Variants in KLF13 observed in about 807,000 individuals in gnomAD.
KLF13 encodes the protein Krueppel-like factor 13.
Under a neutral mutation model 16.7 loss-of-function variants are expected in KLF13, and 8 were observed. That is an observed-to-expected ratio of 0.48 (90% confidence interval 0.28 to 0.87). The LOEUF is 0.87. Ranked by LOEUF, KLF13 falls within the 40% of genes least tolerant of loss-of-function variation. The pLI, the probability that KLF13 is intolerant of heterozygous loss-of-function variation, is 0.10. For synonymous variants in KLF13, 245 were observed against 208.4 expected, an observed-to-expected ratio of 1.18 and a Z score of -1.51; for missense variants, 447 against 452.2, an observed-to-expected ratio of 0.99 and a Z score of 0.10.
chr15:31,425,042 T>C (rs1042934440), intron 1 of KLF13, among the ~76,000 whole-genome samples: 9 of 151,862 alleles, frequency 5.9e-5, no homozygotes, highest in Admixed American at 5.9e-4. Context: ...TACAAGAGCA[T>C]TGAAAAAAAT....
At position 31,376,549 on chromosome 15, in the gene KLF13, C is replaced by T. The variant is rs985425606; in HGVS notation, c.*4250C>T. On this transcript the variant is annotated 3_prime_UTR_variant, in exon 2 of 2. Transcript: ENST00000307145. ...TGATGGTTTTTGAAATCAGGATTAC[C>T]CCAGGAAGAACCAGGTCCTATTACT... is the stretch of plus-strand genomic sequence containing the variant. 1 of 152,562 alleles carries T rather than the reference C, an allele frequency of 6.6e-6. No individual in the cohort carries two copies. The highest frequency in any genetic ancestry group is 1.5e-5 in the Non-Finnish European group (1 of 68,030). 9.5% of individuals were successfully genotyped at this position (152,562 alleles called of 1,614,324 possible). A position where few individuals can be genotyped will look rare whatever the true frequency, so the allele number is the denominator to read the frequency against.
chr15:31,407,779 T>G (rs2040146289), downstream of KLF13, among the ~76,000 whole-genome samples: 1 of 152,146 alleles, frequency 6.6e-6, no homozygotes, highest in Admixed American at 6.5e-5. Context: ...ATTAATAAGT[T>G]GAAGGAGAAA....
chr15:31,379,801 A>G (rs2140974515), downstream of KLF13, among the ~76,000 whole-genome samples: 1 of 152,326 alleles, frequency 6.6e-6, no homozygotes, highest in African/African-American at 2.4e-5. Flanking sequence ...CTGAGAGGCC[A>G]GCCTCAGGAC....
At chr15:31,360,283 G>A (rs1220843348) in intron 1 of KLF13, among the ~76,000 whole-genome samples, 2 of 152,228 alleles carry the variant, frequency 1.3e-5, no homozygotes, top group African/African-American at 4.8e-5. Context: ...GGGCAGGCCT[G>A]TGCCGGGAAG....
chr15:31,383,658 T>C (rs2039755856), intron 1 of KLF13, among the ~76,000 whole-genome samples: 10 of 152,224 alleles, frequency 6.6e-5, no homozygotes, highest in Admixed American at 6.5e-4. Context: ...CCCAGCACTT[T>C]GGGAGGCCAA....
At chr15:31,362,911 T>C (rs1384664729) in intron 1 of KLF13, among the ~76,000 whole-genome samples, 1 of 152,242 alleles carries the variant, frequency 6.6e-6, no homozygotes, top group East Asian at 1.9e-4. Flanking sequence ...TGTTCTGTTA[T>C]ATGTGCGTTC....
At position 31,366,978 on chromosome 15, in the gene KLF13, C is replaced by A. The variant is rs573050867; in HGVS notation, c.578-5032C>A. On this transcript the variant is annotated intron_variant, in intron 1 of 1. Coordinates refer to ENST00000307145, the MANE Select transcript of KLF13 (RefSeq NM_015995.4). The stretch of plus-strand genomic sequence containing the variant: ...TGACAGCACCACGACGACTGGAATG[C>A]GTGCTTGGGTTGAAGACCTTTTTTC... 2.0e-5 allele frequency among the ~76,000 whole-genome samples: 3 copies of A among 152,380 alleles called. No homozygotes were observed. In the East Asian group the frequency reaches 5.8e-4, roughly 29 times the overall value.
chr15:31,403,175 G>A (rs2040065763), intron 2 of KLF13, among the ~76,000 whole-genome samples: 1 of 152,186 alleles, frequency 6.6e-6, no homozygotes, highest in African/African-American at 2.4e-5. Context: ...TTCTTTTAGT[G>A]TCTTTTCTGC....
chr15:31,401,669 T>A (rs990262902), intron 2 of KLF13, among the ~76,000 whole-genome samples: 1 of 152,174 alleles, frequency 6.6e-6, no homozygotes, highest in African/African-American at 2.4e-5. Flanking sequence ...AAGACTATAT[T>A]GTGCCCATTT....
At chr15:31,417,540 CT>C (rs944816576) in intron 1 of KLF13, among the ~76,000 whole-genome samples, 3 of 151,242 alleles carry the variant, frequency 2.0e-5, no homozygotes, top group African/African-American at 7.3e-5. Flanking sequence ...GGTATTCTGT[CT>C]TTTTTTTCCT....
chr15:31,388,415 C>G (rs1246718970), upstream of KLF13, among the ~76,000 whole-genome samples: 1 of 151,854 alleles, frequency 6.6e-6, no homozygotes, highest in Non-Finnish European at 1.5e-5. Context: ...AGTTCAAGAC[C>G]AGCCTGACCA....
chr15:31,335,677 C>T (rs1266038043), intron 1 of KLF13, among the ~76,000 whole-genome samples: 1 of 152,166 alleles, frequency 6.6e-6, no homozygotes, highest in Non-Finnish European at 1.5e-5. Context: ...AACTTGGCTG[C>T]ACTCCGTGGC....
At chr15:31,334,196 A>G (rs2038887318) in intron 1 of KLF13, among the ~76,000 whole-genome samples, 1 of 152,198 alleles carries the variant, frequency 6.6e-6, no homozygotes, top group Non-Finnish European at 1.5e-5. Context: ...TTTCTTTTGA[A>G]TGAAAATGGC....
In KLF13 at chr15:31,372,538, C is replaced by G. The variant is rs1385089627; in HGVS notation, c.*239C>G. 1.9e-6 allele frequency: 1 copy of G among 526,192 alleles called. No homozygotes were observed. The highest frequency in any genetic ancestry group is 3.3e-6 in the Non-Finnish European group (1 of 306,364). The allele number at this position is 526,192 out of a possible 1,614,324, so 32.6% of individuals were successfully genotyped here. On this transcript the variant is annotated 3_prime_UTR_variant, in exon 2 of 2. Transcript: ENST00000307145. ...AAAGTTGAGATTCAGCGTTGTTGAA[C>G]CCCCTTTCTCAGGGATGGACACGTT...
chr15:31,336,169 C>G (rs900083689), intron 1 of KLF13, among the ~76,000 whole-genome samples: 28 of 152,244 alleles, frequency 1.8e-4, no homozygotes, highest in African/African-American at 6.5e-4. Context: ...GTGGGGCCTC[C>G]TCATTCCCTT....
At position 31,338,761 on chromosome 15, in the gene KLF13, G is replaced by A. The variant is rs149431159; in HGVS notation, c.577+10972G>A. Among the ~76,000 whole-genome samples the A allele has an allele frequency of 1.1e-3, 174 of 152,170 alleles. 1 individual carries two copies. Among genetic ancestry groups the A allele is most frequent in the African/African-American group, 3.5e-3 (146 of 41,504 alleles). ...GCCTGCTGGGATCCTGGCCCTGGCC[G>A]GGTTAATGGATGGGAACTGAGCTCC... On this transcript the variant is annotated intron_variant, in intron 1 of 1. Coordinates refer to ENST00000307145, the MANE Select transcript of KLF13 (RefSeq NM_015995.4).
chr15:31,412,214 A>T (rs2040204173), intron 1 of KLF13, among the ~76,000 whole-genome samples: 1 of 152,198 alleles, frequency 6.6e-6, no homozygotes, highest in South Asian at 2.1e-4. Flanking sequence ...ATCTTTGAAA[A>T]AAAGGAGCTT....
At chr15:31,340,419 G>T (rs775600691) in intron 1 of KLF13, among the ~76,000 whole-genome samples, 2 of 152,226 alleles carry the variant, frequency 1.3e-5, no homozygotes, top group African/African-American at 4.8e-5. Context: ...CTCTCCTGCG[G>T]TTGGGTGGCA....
At chr15:31,406,493 A>G (rs150787284), downstream of KLF13, among the ~76,000 whole-genome samples, 57 of 152,296 alleles carry the variant, frequency 3.7e-4, no homozygotes, top group Non-Finnish European at 3.7e-4. Context: ...TGAGACGTAA[A>G]ATGTGTCTGC....
Sources: gnomAD v4.1 joint callset for allele counts (sites outside exome capture counted in the v4.1 genomes callset) on GRCh38, gnomAD v4.1.1 for gene constraint, MANE v1.5 for transcripts, NCBI Gene and HGNC (gene_info 2026-07-23, HGNC 2026-07-21) for gene names.